SYN2: variants seen among roughly 807,000 people sequenced by gnomAD.
SYN2 encodes the protein synapsin II.
In SYN2, 19 loss-of-function variants were observed where a neutral mutation model predicts 50.9. The observed-to-expected ratio is 0.37, with a 90% CI of 0.26 to 0.55. The LOEUF is 0.55. SYN2 is among the 20% of genes least tolerant of loss of function. The pLI is 0.81. For synonymous variants in SYN2, 255 were observed against 224.9 expected (o/e 1.13, Z -1.20); for missense variants, 587 against 576.4 (o/e 1.02, Z -0.19).
intron 1 of SYN2, among the ~76,000 whole-genome samples, chr3:12,105,383 A>G (rs995808827): frequency 3.9e-5 from 6 of 151,916 alleles, no homozygotes; most frequent in South Asian, 2.1e-4. Context: ...TCTTTTATCT[A>G]TGCGCCATGG....
intron 1 of SYN2, among the ~76,000 whole-genome samples, chr3:12,057,739 G>A (rs1363651208): frequency 6.6e-6 from 1 of 151,862 alleles, no homozygotes; most frequent in Admixed American, 6.6e-5. Flanking sequence ...TTCCACTCCC[G>A]TGACATGCTT....
At chr3:12,016,552 C>G (rs1694032921) in intron 1 of SYN2, among the ~76,000 whole-genome samples, 1 of 152,160 alleles carries the variant, frequency 6.6e-6, no homozygotes, top group South Asian at 2.1e-4. Context: ...GTCTCAATTT[C>G]TGTTTCAAAA....
intron 1 of SYN2, among the ~76,000 whole-genome samples, chr3:12,039,675 AT>A (rs1694572710): frequency 6.8e-6 from 1 of 147,642 alleles, no homozygotes; most frequent in Non-Finnish European, 1.5e-5. Context: ...GCCATGAGTT[AT>A]TTCTGATAAA....
intron 1 of SYN2, among the ~76,000 whole-genome samples, chr3:12,107,251 C>T (rs308962): frequency 0.93 from 142,138 of 152,266 alleles, 66,432 homozygotes; most frequent in East Asian, 1. Flanking sequence ...GATATCCAGA[C>T]GGATACCAAC....
chr3:12,055,642 A>T (rs1458698072), intron 1 of SYN2, among the ~76,000 whole-genome samples: 1 of 152,168 alleles, frequency 6.6e-6, no homozygotes, highest in Non-Finnish European at 1.5e-5. Context: ...AAACTCTCAA[A>T]TTATGCTTTG....
chr3:12,018,280 G>A (rs1397919944), intron 1 of SYN2, among the ~76,000 whole-genome samples: 1 of 152,140 alleles, frequency 6.6e-6, no homozygotes, highest in East Asian at 1.9e-4. Context: ...GGAAGAGATA[G>A]TAAAAATATA....
chr3:12,050,610 C>T (rs1427074972), intron 1 of SYN2, among the ~76,000 whole-genome samples: 1 of 148,660 alleles, frequency 6.7e-6, no homozygotes, highest in South Asian at 2.2e-4. Flanking sequence ...TCCCAAAGTG[C>T]TGGGATTACA....
rs111371051 is a variant in SYN2 at position 12,166,243 on chromosome 3, G to T, written c.981-991G>T. Among the ~76,000 whole-genome samples the T allele has an allele frequency of 9.3e-3, 1,414 of 152,296 alleles. 9 individuals carry two copies. Among genetic ancestry groups the T allele is most frequent in the Non-Finnish European group, 0.014 (956 of 68,024 alleles). ...GAATGATAAGGGCAGCATATGAGGG[G>T]CTCTGTCGACAGTGTAAGCAGGACT... is the stretch of plus-strand genomic sequence containing the variant. On this transcript the variant is annotated intron_variant, in intron 7 of 12. Transcript: ENST00000621198.
At chr3:12,072,834 A>G (rs1041964689) in intron 1 of SYN2, among the ~76,000 whole-genome samples, 2 of 152,114 alleles carry the variant, frequency 1.3e-5, no homozygotes, top group Non-Finnish European at 2.9e-5. Context: ...TTCTCTGCCC[A>G]CGGGCTTGAT....
chr3:12,005,768 T>G (rs911930882), intron 1 of SYN2, among the ~76,000 whole-genome samples: 1 of 152,046 alleles, frequency 6.6e-6, no homozygotes, highest in African/African-American at 2.4e-5. Context: ...AATTTTTTTT[T>G]TCTTCTAAAG....
At chr3:12,086,352 C>A (rs1695701792) in intron 1 of SYN2, among the ~76,000 whole-genome samples, 1 of 152,130 alleles carries the variant, frequency 6.6e-6, no homozygotes, top group South Asian at 2.1e-4. Context: ...GGGAATACTT[C>A]CAAACTCGTT....
intron 11 of SYN2, chr3:12,184,544 T>C (rs2124836123): frequency 2.0e-6 from 2 of 985,910 alleles, no homozygotes; most frequent in East Asian, 1.1e-4. Context: ...TACAGAACCT[T>C]GAGGTTGACT....
intron 5 of SYN2, chr3:12,157,250 T>A: frequency 1.3e-6 from 1 of 797,276 alleles, no homozygotes. Context: ...CCAAATCTCA[T>A]CCAGTTCCAC....
chr3:12,184,113 G>A, intron 11 of SYN2: 1 of 985,898 alleles, frequency 1.0e-6, no homozygotes, highest in Non-Finnish European at 1.2e-6. Flanking sequence ...TGTTTTTAGT[G>A]ATGACATGAA....
chr3:12,107,147 TA>T (rs1574944203), intron 1 of SYN2, among the ~76,000 whole-genome samples: 1 of 152,176 alleles, frequency 6.6e-6, no homozygotes, highest in Non-Finnish European at 1.5e-5. Flanking sequence ...TCATGTGCCT[TA>T]TACATTTTGA....
At chr3:12,164,029 C>T (rs1284792674) in intron 7 of SYN2, among the ~76,000 whole-genome samples, 1 of 152,046 alleles carries the variant, frequency 6.6e-6, no homozygotes, top group East Asian at 1.9e-4. Context: ...GCTGTGATTG[C>T]ACCACTCCAG....
chr3:12,174,377 T>C (rs1698011835), intron 10 of SYN2, among the ~76,000 whole-genome samples: 1 of 152,138 alleles, frequency 6.6e-6, no homozygotes, highest in Admixed American at 6.5e-5. Flanking sequence ...GGCCCCTACC[T>C]GCCTCTTTCC....
At chr3:12,177,037 T>C (rs1045646942) in intron 10 of SYN2, among the ~76,000 whole-genome samples, 1 of 152,170 alleles carries the variant, frequency 6.6e-6, no homozygotes, top group African/African-American at 2.4e-5. Flanking sequence ...CCTGACATGC[T>C]GAGATCCAGA....
At chr3:12,184,216 T>C (rs1698290454) in intron 11 of SYN2, 1 of 985,782 alleles carries the variant, frequency 1.0e-6, no homozygotes, top group Admixed American at 6.1e-5. Context: ...CTATGAGATT[T>C]TTAAAAAATG....
Sources: allele counts gnomAD v4.1 joint callset (sites outside exome capture counted in the v4.1 genomes callset), GRCh38; gene constraint gnomAD v4.1.1; transcripts MANE v1.5; gene names NCBI Gene and HGNC (gene_info 2026-07-23, HGNC 2026-07-21).